Variants in RELCH observed in about 807,000 individuals in gnomAD.
RELCH encodes the protein RAB11-binding protein RELCH.
A neutral mutation model predicts 150.3 loss-of-function variants in RELCH; 41 were observed. The observed-to-expected ratio is 0.27, with a 90% CI of 0.21 to 0.35. The LOEUF (loss-of-function observed/expected upper bound fraction) is 0.35, where lower values mean the gene tolerates loss of function less well. Among genes scored for constraint, RELCH ranks in the 10% least tolerant of loss-of-function variants. The pLI, the probability that RELCH is intolerant of heterozygous loss-of-function variation, is 1.00. For missense variants in RELCH, 1,092 were observed against 1,467.8 expected, an observed-to-expected ratio of 0.74 and a Z score of 4.18; for synonymous variants, 478 against 531.8, an observed-to-expected ratio of 0.90 and a Z score of 1.39.
intron 5 of RELCH, among the ~76,000 whole-genome samples, chr18:62,224,986 T>C (rs2041118963): frequency 1.3e-5 from 2 of 152,096 alleles, no homozygotes; most frequent in Non-Finnish European, 2.9e-5. Context: ...ATAGTAAAGA[T>C]ATTATTTGTC....
chr18:62,208,683 C>T (rs890989316), intron 1 of RELCH, among the ~76,000 whole-genome samples: 3 of 152,150 alleles, frequency 2.0e-5, no homozygotes, highest in Admixed American at 6.6e-5. Context: ...AAGTTGGCCC[C>T]AGTGTCTGTC....
intron 27 of RELCH, 37 bp downstream of exon 27, chr18:62,291,668 T>G (rs1336810783): frequency 1.5e-6 from 2 of 1,331,032 alleles, no homozygotes; most frequent in Non-Finnish European, 2.2e-6. Flanking sequence ...TATTCATGTT[T>G]TAATACCTCA....
At chr18:62,234,751 G>A (rs1332374921) in intron 10 of RELCH, 2 of 151,660 alleles carry the variant, frequency 1.3e-5, no homozygotes, top group Non-Finnish European at 2.9e-5. Context: ...ATTCTTTCAA[G>A]TCCTTTGACC....
chr18:62,223,354 T>G (rs1190807610), intron 5 of RELCH, among the ~76,000 whole-genome samples: 1 of 152,094 alleles, frequency 6.6e-6, no homozygotes, highest in East Asian at 1.9e-4. Flanking sequence ...TGAATAACTT[T>G]TCTTGTAAGA....
chr18:62,224,180 A>G (rs887926106), intron 5 of RELCH, among the ~76,000 whole-genome samples: 16 of 152,014 alleles, frequency 1.1e-4, no homozygotes, highest in African/African-American at 3.9e-4. Flanking sequence ...CAAGTGATCT[A>G]ATTGTTCAAT....
intron 10 of RELCH, among the ~76,000 whole-genome samples, chr18:62,238,350 C>A (rs781711963): frequency 1.3e-5 from 2 of 151,882 alleles, no homozygotes; most frequent in Non-Finnish European, 2.9e-5. Flanking sequence ...CATAGTAGTT[C>A]ATTTTAATGG....
rs1468414901 is a variant in RELCH at position 62,307,564 on chromosome 18, T to G, written c.*2030T>G. On this transcript the variant is annotated 3_prime_UTR_variant, in exon 29 of 29. Transcript: ENST00000644646. ...AAGATTTCACATTGTGGTTTTGTTT[T>G]TTGTTTGTTTGTTTGTTTTTAGTAA... is the stretch of plus-strand genomic sequence containing the variant. The G allele has an allele frequency of 3.3e-5, 5 of 151,652 alleles. 1 individual carries two copies. In the South Asian group the frequency reaches 1.0e-3, roughly 31 times the overall value. The allele number at this position is 151,652 out of a possible 1,614,324, so 9.4% of individuals were successfully genotyped here. A position where few individuals can be genotyped will look rare whatever the true frequency, so the allele number is the denominator to read the frequency against.
intron 28 of RELCH, among the ~76,000 whole-genome samples, chr18:62,301,279 C>G (rs1267462170): frequency 1.3e-5 from 2 of 152,138 alleles, no homozygotes; most frequent in African/African-American, 4.8e-5. Context: ...AGGCACCAGA[C>G]AATAAAGAAT....
intron 27 of RELCH, among the ~76,000 whole-genome samples, chr18:62,296,501 A>C (rs2045415763): frequency 6.6e-6 from 1 of 152,046 alleles, no homozygotes; most frequent in African/African-American, 2.4e-5. Flanking sequence ...CAGGAGAATC[A>C]TTTGAACCCA....
intron 17 of RELCH, 106 bp downstream of exon 17, chr18:62,264,251 A>G: frequency 2.3e-6 from 2 of 876,124 alleles, no homozygotes; most frequent in South Asian, 3.4e-5. Flanking sequence ...ACTCGGCATC[A>G]TTTTTGGTAA....
Position 62,298,739 on chromosome 18 carries a change from A to T in RELCH, c.3460-51A>T. The T allele has an allele frequency of 9.6e-6, 8 of 833,202 alleles. 1 individual carries two copies. The highest frequency in any genetic ancestry group is 5.7e-4 in the Middle Eastern group (2 of 3,494). 51.6% of individuals were successfully genotyped at this position (833,202 alleles called of 1,614,324 possible). On this transcript the variant is annotated intron_variant, in intron 27 of 28. Coordinates refer to ENST00000644646, the MANE Select transcript of RELCH (RefSeq NM_001346231.2). ...AAATTAAAACATTAGATTAAACCAT[A>T]GTATTTTACTATGTAAACTGTATTT...
rs529376150 is a variant in RELCH at position 62,227,859 on chromosome 18, G to T, written c.1154+170G>T. Among the ~76,000 whole-genome samples the T allele has an allele frequency of 2.6e-5, 4 of 151,834 alleles. No individual in the cohort carries two copies. In the South Asian group the frequency reaches 6.3e-4, roughly 24 times the overall value. ...TTTAATGTATTTAAAATAGTAATAG[G>T]TTTTTTTTCCCAAAACAAGTTACTA... On this transcript the variant is annotated intron_variant, in intron 7 of 28. Transcript: ENST00000644646.
chr18:62,299,137 A>C (rs1356878290), intron 28 of RELCH, among the ~76,000 whole-genome samples: 1 of 152,208 alleles, frequency 6.6e-6, no homozygotes, highest in African/African-American at 2.4e-5. Flanking sequence ...AAAAGCTTCC[A>C]ACAAAATTCT....
At chr18:62,248,316 T>C (rs190623119) in intron 11 of RELCH, among the ~76,000 whole-genome samples, 1 of 152,314 alleles carries the variant, frequency 6.6e-6, no homozygotes, top group African/African-American at 2.4e-5. Context: ...AATGAGCAAA[T>C]TTGTTAATAA....
At chr18:62,229,131 T>TC (rs2041397358) in intron 8 of RELCH, among the ~76,000 whole-genome samples, 1 of 152,118 alleles carries the variant, frequency 6.6e-6, no homozygotes, top group South Asian at 2.1e-4. Flanking sequence ...TGATTATGTT[T>TC]CCTAGTGGAG....
intron 1 of RELCH, among the ~76,000 whole-genome samples, chr18:62,203,318 G>A (rs981000310): frequency 6.6e-5 from 10 of 151,904 alleles, no homozygotes; most frequent in Non-Finnish European, 1.2e-4. Context: ...TTAGCTGGGC[G>A]TGGTGGCGGG....
rs534222747 is a variant in RELCH at position 62,273,290 on chromosome 18, G to T, written c.2761-690G>T. On this transcript the variant is annotated intron_variant, in intron 20 of 28. Transcript: ENST00000644646. ...TTTTCTGATTATGAAAGTAATAATA[G>T]TTCGTTGAAAAAAGTTTGAAAAACA... Among the ~76,000 whole-genome samples the T allele has an allele frequency of 2.6e-5, 4 of 151,874 alleles. No homozygotes were observed. In the East Asian group the frequency reaches 7.7e-4, roughly 29 times the overall value.
chr18:62,214,514 G>A (rs573542573), intron 2 of RELCH, among the ~76,000 whole-genome samples: 3 of 152,278 alleles, frequency 2.0e-5, no homozygotes, highest in East Asian at 1.9e-4. Context: ...GTTCTGGGTC[G>A]CAGAAGTGGT....
intron 10 of RELCH, among the ~76,000 whole-genome samples, chr18:62,244,500 T>C (rs1048734368): frequency 1.3e-5 from 2 of 152,172 alleles, no homozygotes; most frequent in Admixed American, 1.3e-4. Flanking sequence ...AGTGGGCCCT[T>C]GGGAAGTACT....
Sources: gnomAD v4.1 joint callset for allele counts (sites outside exome capture counted in the v4.1 genomes callset) on GRCh38, gnomAD v4.1.1 for gene constraint, MANE v1.5 for transcripts, NCBI Gene and HGNC (gene_info 2026-07-23, HGNC 2026-07-21) for gene names.